The following CFAP54 variants were observed in gnomAD, a reference collection of about 807,000 sequenced individuals.
CFAP54 encodes cilia- and flagella-associated protein 54.
A neutral mutation model predicts 370.4 loss-of-function variants in CFAP54; 290 were observed. The ratio of observed to expected loss-of-function variants is 0.78; its 90% confidence interval spans 0.71 to 0.86. The LOEUF is 0.86. Among genes scored for constraint, CFAP54 ranks in the 40% least tolerant of loss-of-function variants. The probability of loss-of-function intolerance (pLI) is 0.00; values close to 1 mark genes in which losing one functional copy is unlikely to be tolerated. For synonymous variants in CFAP54, 1,206 were observed against 1,236.5 expected (o/e 0.98, Z 0.52); for missense variants, 3,399 against 3,528.7 (o/e 0.96, Z 0.93).
At chr12:96,530,986 A>G (rs1360303346) in intron 9 of CFAP54, among the ~76,000 whole-genome samples, 1 of 151,958 alleles carries the variant, frequency 6.6e-6, no homozygotes, top group Admixed American at 6.6e-5. Context: ...CTTTTTCTCT[A>G]GTGTCTTTTG....
intron 66 of CFAP54, among the ~76,000 whole-genome samples, chr12:96,849,814 ACAAAATCAT>A (rs1318131288): frequency 2.6e-5 from 4 of 152,122 alleles, no homozygotes; most frequent in African/African-American, 9.7e-5. Context: ...CTCTAGGCAG[ACAAAATCAT>A]CACCATTTCT....
chr12:96,572,828 T>C, intron 19 of CFAP54: 1 of 978,934 alleles, frequency 1.0e-6, no homozygotes, highest in Non-Finnish European at 1.2e-6. Flanking sequence ...CCATAGATGA[T>C]ACTGATCAAC....
intron 63 of CFAP54, among the ~76,000 whole-genome samples, chr12:96,808,575 C>A (rs1958903699): frequency 1.3e-5 from 2 of 152,092 alleles, no homozygotes; most frequent in Admixed American, 6.6e-5. Context: ...GATTATAAAC[C>A]ACCAAAATAT....
chr12:96,536,277 T>C (rs1955502268), intron 12 of CFAP54, among the ~76,000 whole-genome samples: 1 of 152,232 alleles, frequency 6.6e-6, no homozygotes, highest in Admixed American at 6.5e-5. Flanking sequence ...CTTCCTAATC[T>C]GTTTTTGTTA....
intron 39 of CFAP54, 150 bp from the exon 40 acceptor site, chr12:96,679,450 A>G (rs779016029): frequency 3.9e-5 from 25 of 647,166 alleles, no homozygotes; most frequent in Non-Finnish European, 5.3e-5. Context: ...ATTGATCTGA[A>G]TGTTGAAACA....
chr12:96,861,725 A>G (rs144730000), intron 67 of CFAP54, among the ~76,000 whole-genome samples: 1 of 152,286 alleles, frequency 6.6e-6, no homozygotes, highest in Non-Finnish European at 1.5e-5. Context: ...ATCTCATAGG[A>G]TTGCTGTGTG....
chr12:96,511,775 C>G (rs976184279), intron 4 of CFAP54, among the ~76,000 whole-genome samples: 1 of 152,166 alleles, frequency 6.6e-6, no homozygotes, highest in Non-Finnish European at 1.5e-5. Flanking sequence ...TGAGCCACGG[C>G]GCCTGGCCAT....
intron 67 of CFAP54, among the ~76,000 whole-genome samples, chr12:96,874,860 G>A (rs1363315164): frequency 6.6e-6 from 1 of 151,420 alleles, no homozygotes; most frequent in African/African-American, 2.4e-5. Flanking sequence ...CTCGTGATCC[G>A]CCCGCCTCGG....
At chr12:96,736,116 C>G (rs902829167) in intron 50 of CFAP54, among the ~76,000 whole-genome samples, 7 of 152,160 alleles carry the variant, frequency 4.6e-5, no homozygotes, top group Admixed American at 1.3e-4. Flanking sequence ...GGGAAATTTT[C>G]TGATTCATGT....
chr12:96,772,430 T>C lies in CFAP54; in HGVS notation c.8281+7212T>C, dbSNP rs902997548. On this transcript the variant is annotated intron_variant, in intron 60 of 67. Transcript: ENST00000524981. ...TTGGCTCATGGCCCCTCCCTTTATC[T>C]TCCAAGCCAGCAGCGTAGCATCTCC... Among the ~76,000 whole-genome samples the C allele has an allele frequency of 2.0e-5, 3 of 152,148 alleles. No homozygotes were observed. In the East Asian group the frequency reaches 5.8e-4, roughly 29 times the overall value.
intron 39 of CFAP54, among the ~76,000 whole-genome samples, chr12:96,677,030 TCTCA>T (rs1957217460): frequency 6.6e-6 from 1 of 150,784 alleles, no homozygotes; most frequent in South Asian, 2.1e-4. Context: ...TGAGACAAGG[TCTCA>T]CTCTGTCACC....
Position 96,500,874 on chromosome 12 carries a change from A to G in CFAP54, c.358A>G (p.Arg120Gly), listed in dbSNP as rs2136347745. Residue 120 changes from arginine (R) to glycine (G), a missense_variant, in exon 2 of 68, where the codon AGG becomes GGG. Physicochemically the swap from Arg to Gly is moderately radical, Grantham distance 125. Around this residue, in one of 3 missense-constraint regions of CFAP54, gnomAD observed 559 missense variants for 576.7 expected, o/e 0.97. Transcript: ENST00000524981. ...TAATATCTGGACTAAATACGCCCCC[A>G]GGCTGCCAGCAGACTATTACAACGA... Reference protein sequence around the residue: ...LFNIWTKYAPRLPADYYNEKL... With the variant: ...LFNIWTKYAPGLPADYYNEKL... The G allele has an allele frequency of 3.9e-6, 6 of 1,535,716 alleles. No homozygotes were observed. The highest frequency in any genetic ancestry group is 5.2e-6 in the Non-Finnish European group (6 of 1,146,668).
Position 96,800,500 on chromosome 12 carries a change from A to G in CFAP54, c.8850+8001A>G, listed in dbSNP as rs1201854648. ...ACAATAAGCATGTATGTATTGGGTC[A>G]TGATAAAAGATGTAGTTGCTGCCAT... On this transcript the variant is annotated intron_variant, in intron 63 of 67. Coordinates refer to ENST00000524981, the MANE Select transcript of CFAP54 (RefSeq NM_001306084.2). Among the ~76,000 whole-genome samples the G allele has an allele frequency of 2.6e-5, 4 of 152,218 alleles. No individual in the cohort carries two copies. The East Asian group carries it at 7.7e-4, about 29-fold the overall frequency.
At chr12:96,591,075 C>A (rs1473376654) in intron 23 of CFAP54, among the ~76,000 whole-genome samples, 1 of 151,962 alleles carries the variant, frequency 6.6e-6, no homozygotes, top group Non-Finnish European at 1.5e-5. Context: ...GGAGATGGAA[C>A]CAAGGAAGGA....
chr12:96,564,871 A>G (rs1955850976), intron 19 of CFAP54, 106 bp downstream of exon 19: 3 of 474,706 alleles, frequency 6.3e-6, no homozygotes, highest in Non-Finnish European at 7.3e-6. Flanking sequence ...ACATTTAATT[A>G]TGAACTTTCA....
rs542701176 is a variant in CFAP54, at chr12:96,745,061, TACC to T, written c.7684+918_7684+920del. Among the ~76,000 whole-genome samples, 203 of 152,360 alleles carry T rather than the reference TACC, an allele frequency of 1.3e-3. 1 individual carries two copies. Among genetic ancestry groups the T allele is most frequent in the African/African-American group, 4.6e-3 (190 of 41,590 alleles). ...TGCATAATATTCCATGGTGTATATG[TACC>T]ACATTTTCTTTATCCAGTCTATCAT... On this transcript the variant is annotated intron_variant, in intron 55 of 67. Transcript: ENST00000524981.
At chr12:96,557,201 C>T (rs775457216) in intron 17 of CFAP54, among the ~76,000 whole-genome samples, 2 of 152,116 alleles carry the variant, frequency 1.3e-5, no homozygotes, top group African/African-American at 2.4e-5. Flanking sequence ...TCAAAGGCAA[C>T]GATGACCAAT....
At chr12:96,695,033 A>C (rs951491253) in intron 45 of CFAP54, among the ~76,000 whole-genome samples, 1 of 152,066 alleles carries the variant, frequency 6.6e-6, no homozygotes, top group African/African-American at 2.4e-5. Flanking sequence ...AAAAAACAAA[A>C]ACAAAAAAAA....
Position 96,532,984 on chromosome 12 carries a change from C to T in CFAP54, c.1358-808C>T, listed in dbSNP as rs543313457. 7.2e-5 allele frequency among the ~76,000 whole-genome samples: 11 copies of T among 152,132 alleles called. No homozygotes were observed. In the South Asian group the frequency reaches 1.7e-3, roughly 23 times the overall value. ...TTCTTGGTACAGCCAGATTTATTGA[C>T]GGTATTGTCTGTTTTCATTGTTCCT... is the stretch of plus-strand genomic sequence containing the variant. On this transcript the variant is annotated intron_variant, in intron 9 of 67. Coordinates refer to ENST00000524981, the MANE Select transcript of CFAP54 (RefSeq NM_001306084.2).
Sources: allele counts gnomAD v4.1 joint callset (sites outside exome capture counted in the v4.1 genomes callset), GRCh38; gene constraint gnomAD v4.1.1; regional missense constraint gnomAD v4.1.1; transcripts MANE v1.5; gene names NCBI Gene and HGNC (gene_info 2026-07-23, HGNC 2026-07-21).